GRID1: variants seen among roughly 807,000 people sequenced by gnomAD.
GRID1 encodes the protein glutamate receptor ionotropic, delta-1.
Under a neutral mutation model 98.0 loss-of-function variants are expected in GRID1, and 28 were observed. The ratio of observed to expected loss-of-function variants is 0.29; its 90% CI spans 0.21 to 0.39. The LOEUF (loss-of-function observed/expected upper bound fraction) is 0.39, where lower values mean the gene tolerates loss of function less well. GRID1 is among the 10% of genes least tolerant of loss of function. GRID1 has a pLI of 1.00. For synonymous variants in GRID1, 553 were observed against 538.5 expected (o/e 1.03, Z -0.37); for missense variants, 1,111 against 1,340.5 (o/e 0.83, Z 2.67).
In GRID1 at chr10:86,314,302, AT is replaced by A. The variant is rs150470206; in HGVS notation, c.235+49638del. 5.3e-3 allele frequency among the ~76,000 whole-genome samples: 802 copies of A among 152,348 alleles called. 6 individuals are homozygous for A. Among genetic ancestry groups the A allele is most frequent in the African/African-American group, 0.018 (766 of 41,586 alleles). Reference sequence around the variant, plus strand: ...ACCATAGAATGAGCCCCACATGAGCATGGATGGGACAGGTCCCAAGGGTTGT... The same window carrying A: ...ACCATAGAATGAGCCCCACATGAGCAGGATGGGACAGGTCCCAAGGGTTGT... On this transcript the variant is annotated intron_variant, in intron 2 of 15. Coordinates refer to ENST00000327946, the MANE Select transcript of GRID1 (RefSeq NM_017551.3).
intron 13 of GRID1, among the ~76,000 whole-genome samples, chr10:85,628,453 GGCA>G (rs1169754232): frequency 6.6e-6 from 1 of 152,140 alleles, no homozygotes; most frequent in Admixed American, 6.5e-5. Context: ...CCCCCAGGGA[GGCA>G]GCAGAGAAGA....
chr10:86,247,439 G>C (rs1298745276), intron 2 of GRID1, among the ~76,000 whole-genome samples: 3 of 152,280 alleles, frequency 2.0e-5, no homozygotes, highest in Admixed American at 6.5e-5. Context: ...TGGATGGTTG[G>C]CTGGGTGGGT....
At chr10:86,362,695 ACCTC>A (rs2132124050) in intron 2 of GRID1, among the ~76,000 whole-genome samples, 1 of 151,492 alleles carries the variant, frequency 6.6e-6, no homozygotes, top group Admixed American at 6.6e-5. Context: ...CAACACAACG[ACCTC>A]CCCAACACCA....
At chr10:85,977,117 T>A (rs900726115) in intron 4 of GRID1, among the ~76,000 whole-genome samples, 3 of 152,210 alleles carry the variant, frequency 2.0e-5, no homozygotes, top group African/African-American at 7.2e-5. Context: ...GCATTTGATT[T>A]GGAGTTCAGC....
intron 4 of GRID1, among the ~76,000 whole-genome samples, chr10:86,068,981 A>G (rs1377912274): frequency 6.6e-6 from 1 of 151,954 alleles, no homozygotes; most frequent in African/African-American, 2.4e-5. Context: ...AGAAACTCCA[A>G]TCTGCTCCAC....
At chr10:86,197,862 A>G (rs1229440214) in intron 3 of GRID1, among the ~76,000 whole-genome samples, 1 of 152,130 alleles carries the variant, frequency 6.6e-6, no homozygotes, top group African/African-American at 2.4e-5. Context: ...ATTAGATCGA[A>G]GAACAAAACC....
intron 4 of GRID1, among the ~76,000 whole-genome samples, chr10:86,043,107 C>A (rs1163761316): frequency 6.6e-6 from 1 of 152,064 alleles, no homozygotes; most frequent in Non-Finnish European, 1.5e-5. Context: ...AAGAAAGTGT[C>A]TATTTTATTA....
At chr10:86,118,457 C>T (rs1844617742) in intron 4 of GRID1, among the ~76,000 whole-genome samples, 1 of 152,016 alleles carries the variant, frequency 6.6e-6, no homozygotes, top group Non-Finnish European at 1.5e-5. Context: ...AACCAAACAC[C>T]ACCTGTTCCC....
chr10:85,742,236 T>C (rs746690019), intron 8 of GRID1, among the ~76,000 whole-genome samples: 13 of 152,184 alleles, frequency 8.5e-5, no homozygotes, highest in Admixed American at 3.3e-4. Flanking sequence ...TGATGGATAG[T>C]TCTTTAACTA....
intron 8 of GRID1, among the ~76,000 whole-genome samples, chr10:85,793,805 G>A (rs537669334): frequency 1.3e-5 from 2 of 152,322 alleles, no homozygotes; most frequent in South Asian, 4.1e-4. Context: ...TAGGTTGAAT[G>A]ATTTAACCTG....
chr10:85,612,168 T>C (rs1433278809), intron 15 of GRID1, among the ~76,000 whole-genome samples: 1 of 152,154 alleles, frequency 6.6e-6, no homozygotes, highest in African/African-American at 2.4e-5. Flanking sequence ...CGCCCACCCC[T>C]GTCCTCACCC....
At chr10:85,668,656 C>T (rs1180670416) in intron 12 of GRID1, among the ~76,000 whole-genome samples, 3 of 152,338 alleles carry the variant, frequency 2.0e-5, no homozygotes, top group Admixed American at 6.5e-5. Flanking sequence ...CAAGGACACA[C>T]AGCTAATGAG....
chr10:85,995,716 A>T (rs543015630), intron 4 of GRID1, among the ~76,000 whole-genome samples: 115 of 152,258 alleles, frequency 7.6e-4, no homozygotes, highest in Non-Finnish European at 1.2e-3. Flanking sequence ...CTTGCCCTAG[A>T]GGCAGATGCA....
intron 2 of GRID1, among the ~76,000 whole-genome samples, chr10:86,254,432 T>C (rs78964437): frequency 0.023 from 3,436 of 152,304 alleles, 44 homozygotes; most frequent in Middle Eastern, 0.051. Flanking sequence ...CAGACAAACA[T>C]AGCAAATCAG....
chr10:86,270,251 G>A (rs529262266), intron 2 of GRID1, among the ~76,000 whole-genome samples: 1 of 152,218 alleles, frequency 6.6e-6, no homozygotes, highest in Admixed American at 6.5e-5. Flanking sequence ...CTGCAGCCTG[G>A]CACAGAACAG....
chr10:86,233,222 T>C (rs968634745), intron 2 of GRID1, among the ~76,000 whole-genome samples: 9 of 151,562 alleles, frequency 5.9e-5, no homozygotes, highest in Admixed American at 1.3e-4. Context: ...GCTCTGCCTC[T>C]GTTGTGACCA....
chr10:85,788,737 A>G (rs923127778), intron 8 of GRID1, among the ~76,000 whole-genome samples: 6 of 152,240 alleles, frequency 3.9e-5, no homozygotes, highest in Non-Finnish European at 8.8e-5. Flanking sequence ...GTGCACAGGC[A>G]CATATGGAGT....
chr10:86,238,481 T>C lies in GRID1; in HGVS notation c.236-31833A>G, dbSNP rs570854721. On this transcript the variant is annotated intron_variant, in intron 2 of 15. Coordinates refer to ENST00000327946, the MANE Select transcript of GRID1 (RefSeq NM_017551.3). ...TTGAGACCATCCTGCCCCCCGTCTC[T>C]ACTAAAAATACAACCCCATCTCTAC... 8.1e-4 allele frequency among the ~76,000 whole-genome samples: 123 copies of C among 152,130 alleles called. 1 individual carries two copies. Among genetic ancestry groups the C allele is most frequent in the Middle Eastern group, 3.4e-3 (1 of 294 alleles).
intron 4 of GRID1, among the ~76,000 whole-genome samples, chr10:85,984,598 G>A (rs1842587250): frequency 6.6e-6 from 1 of 152,154 alleles, no homozygotes; most frequent in African/African-American, 2.4e-5. Flanking sequence ...AAGGAGCCTT[G>A]GTCCTGGCCA....
Sources: gnomAD v4.1 joint callset for allele counts (sites outside exome capture counted in the v4.1 genomes callset) on GRCh38, gnomAD v4.1.1 for gene constraint, MANE v1.5 for transcripts, NCBI Gene and HGNC (gene_info 2026-07-23, HGNC 2026-07-21) for gene names.